The following ITFG1 variants were observed in gnomAD, a reference collection of about 807,000 sequenced individuals.
ITFG1 encodes the protein integrin alpha FG-GAP repeat containing 1, also known as T-cell immunomodulatory protein.
A neutral mutation model predicts 81.8 loss-of-function variants in ITFG1; 34 were observed. That is an observed-to-expected ratio of 0.42 (90% CI 0.32 to 0.55). ITFG1 has a LOEUF of 0.55. Ranked by LOEUF, ITFG1 falls within the 20% of genes least tolerant of loss-of-function variation. The pLI is 0.17. For synonymous variants in ITFG1, 285 were observed against 270.6 expected (o/e 1.05, Z -0.52); for missense variants, 672 against 755.4 (o/e 0.89, Z 1.29).
chr16:47,343,869 TC>T (rs1967816861), intron 8 of ITFG1, among the ~76,000 whole-genome samples: 4 of 152,148 alleles, frequency 2.6e-5, no homozygotes, highest in Admixed American at 2.6e-4. Flanking sequence ...AAGCAGGGAT[TC>T]ACATAGACTA....
intron 13 of ITFG1, among the ~76,000 whole-genome samples, chr16:47,229,803 T>C (rs1198250327): frequency 1.3e-5 from 2 of 152,112 alleles, no homozygotes; most frequent in Non-Finnish European, 2.9e-5. Context: ...GATACAAAGG[T>C]CTGATGTTCA....
At position 47,260,685 on chromosome 16, in the gene ITFG1, C is replaced by A. The variant is rs763581458; in HGVS notation, c.1081G>T (p.Ala361Ser). 33 of 1,614,038 alleles carry A rather than the reference C, an allele frequency of 2.0e-5. No homozygotes were observed. The highest frequency in any genetic ancestry group is 2.7e-5 in the Non-Finnish European group (32 of 1,180,030). The change falls in exon 11 of 18, where the codon GCC (alanine) becomes TCC (serine). Residue 361 changes from alanine (A) to serine (S), a missense_variant. By Grantham distance (99) the Ala-to-Ser change is moderately conservative. This residue lies in a region of ITFG1 where 560 missense variants were observed against 625.7 expected (regional missense o/e 0.90). Transcript: ENST00000320640. Reference sequence around the variant, plus strand: ...CAAGGGACGTTCTCCAGTAAAAAGGCCTGCTGGTTGCTGTGCGCCAAAGGA... The same window carrying A: ...CAAGGGACGTTCTCCAGTAAAAAGGACTGCTGGTTGCTGTGCGCCAAAGGA... ...LKNTSGSNQQAFLLENVPCNN... is the reference protein window; with the variant it reads ...LKNTSGSNQQSFLLENVPCNN...
chr16:47,453,221 T>C (rs1370468662), intron 3 of ITFG1, among the ~76,000 whole-genome samples: 10 of 152,242 alleles, frequency 6.6e-5, no homozygotes, highest in Admixed American at 5.9e-4. Context: ...TTAATGAATA[T>C]AATGTATCGC....
At chr16:47,200,596 A>G (rs1965413172) in intron 14 of ITFG1, among the ~76,000 whole-genome samples, 2 of 152,230 alleles carry the variant, frequency 1.3e-5, no homozygotes, top group African/African-American at 4.8e-5. Context: ...GTGGCTCCTA[A>G]ATACCTATTA....
At chr16:47,398,658 G>T (rs1334714613) in intron 6 of ITFG1, among the ~76,000 whole-genome samples, 1 of 152,130 alleles carries the variant, frequency 6.6e-6, no homozygotes, top group Non-Finnish European at 1.5e-5. Context: ...GGTCAGCAAG[G>T]CAATAATGTC....
chr16:47,414,393 A>G (rs1041236237), intron 6 of ITFG1, among the ~76,000 whole-genome samples: 1 of 151,848 alleles, frequency 6.6e-6, no homozygotes, highest in African/African-American at 2.4e-5. Context: ...GGGTGTGGTG[A>G]TGCATGCCTG....
At chr16:47,174,691 T>C (rs1965002471) in intron 14 of ITFG1, among the ~76,000 whole-genome samples, 1 of 152,204 alleles carries the variant, frequency 6.6e-6, no homozygotes. Flanking sequence ...CGGCTAATTT[T>C]GTATTTTTAG....
At chr16:47,336,173 A>G (rs530620419) in intron 8 of ITFG1, among the ~76,000 whole-genome samples, 1 of 152,356 alleles carries the variant, frequency 6.6e-6, no homozygotes, top group East Asian at 1.9e-4. Context: ...AAATGATGTC[A>G]GCAAAATGGC....
chr16:47,162,213 G>A (rs1964817595), intron 15 of ITFG1, among the ~76,000 whole-genome samples: 1 of 151,626 alleles, frequency 6.6e-6, no homozygotes. Flanking sequence ...ATACACATAT[G>A]TATAATAATA....
At chr16:47,353,518 T>C (rs912656867) in intron 8 of ITFG1, among the ~76,000 whole-genome samples, 17 of 152,060 alleles carry the variant, frequency 1.1e-4, no homozygotes, top group Non-Finnish European at 5.9e-5. Flanking sequence ...GTTTCACCAC[T>C]TGTATTAAAA....
At chr16:47,366,395 A>T (rs978402930) in intron 7 of ITFG1, among the ~76,000 whole-genome samples, 6 of 152,150 alleles carry the variant, frequency 3.9e-5, no homozygotes, top group Non-Finnish European at 8.8e-5. Context: ...CAATCCATCA[A>T]CTCAAGTTTA....
chr16:47,163,952 C>T (rs28483133), intron 14 of ITFG1, among the ~76,000 whole-genome samples: 92 of 130,722 alleles, frequency 7.0e-4, no homozygotes, highest in South Asian at 1.9e-3. Context: ...CACACACACA[C>T]ATACACACAC....
chr16:47,364,251 G>A (rs996351301), intron 8 of ITFG1, among the ~76,000 whole-genome samples: 2 of 152,072 alleles, frequency 1.3e-5, no homozygotes, highest in Non-Finnish European at 2.9e-5. Flanking sequence ...AAAACATGGA[G>A]CAATAGATAT....
At chr16:47,174,859 C>G (rs1366600924) in intron 14 of ITFG1, among the ~76,000 whole-genome samples, 2 of 152,092 alleles carry the variant, frequency 1.3e-5, no homozygotes, top group Non-Finnish European at 2.9e-5. Context: ...TTTCATCTAA[C>G]GGTAATACCT....
intron 17 of ITFG1, among the ~76,000 whole-genome samples, chr16:47,156,274 CA>C (rs894598210): frequency 6.6e-6 from 1 of 151,772 alleles, no homozygotes; most frequent in African/African-American, 2.4e-5. Flanking sequence ...CCGTCTCTAC[CA>C]AAAAAATACA....
intron 8 of ITFG1, among the ~76,000 whole-genome samples, chr16:47,358,857 CA>C (rs1968073500): frequency 6.6e-6 from 1 of 151,920 alleles, no homozygotes; most frequent in African/African-American, 2.4e-5. Context: ...CAAAATACAC[CA>C]ATGGAGTTCT....
At chr16:47,454,260 C>G (rs1969424365) in intron 2 of ITFG1, 102 bp from the exon 3 acceptor site, 1 of 928,142 alleles carries the variant, frequency 1.1e-6, no homozygotes, top group Non-Finnish European at 1.7e-6. Flanking sequence ...AAACTTAAAA[C>G]TTAACAGAAC....
intron 14 of ITFG1, among the ~76,000 whole-genome samples, chr16:47,209,487 T>G (rs1965540307): frequency 6.6e-6 from 1 of 152,208 alleles, no homozygotes; most frequent in African/African-American, 2.4e-5. Flanking sequence ...AACTAAACTT[T>G]TTATTTTGAG....
At chr16:47,358,688 C>T (rs1467842859) in intron 8 of ITFG1, among the ~76,000 whole-genome samples, 3 of 152,106 alleles carry the variant, frequency 2.0e-5, no homozygotes, top group Admixed American at 1.3e-4. Flanking sequence ...TTCTTAAAAA[C>T]CATTTATAAT....
Sources: allele counts gnomAD v4.1 joint callset (sites outside exome capture counted in the v4.1 genomes callset), GRCh38; gene constraint gnomAD v4.1.1; regional missense constraint gnomAD v4.1.1; transcripts MANE v1.5; gene names NCBI Gene and HGNC (gene_info 2026-07-23, HGNC 2026-07-21).